ZC3H12B: variants seen among roughly 807,000 people sequenced by gnomAD.
The protein encoded by ZC3H12B is probable ribonuclease ZC3H12B.
In ZC3H12B, 7 loss-of-function variants were observed where a neutral mutation model predicts 43.9. That is an observed-to-expected ratio of 0.16 (90% CI 0.09 to 0.30). The LOEUF is 0.30. Among genes scored for constraint, ZC3H12B ranks in the 10% least tolerant of loss-of-function variants. The pLI is 1.00. For missense variants in ZC3H12B, 475 were observed against 670.2 expected (o/e 0.71, Z 3.22); for synonymous variants, 222 against 241.7 (o/e 0.92, Z 0.76).
chrX:65,460,800 C>A (rs2148176776), intron 3 of ZC3H12B, among the ~76,000 whole-genome samples: 1 of 111,501 alleles, frequency 9.0e-6, no homozygotes, highest in South Asian at 3.7e-4. Flanking sequence ...TAGGCATGGG[C>A]AAGGACTTCA....
At chrX:65,125,359 C>A in the ZC3H12B span, among the ~76,000 whole-genome samples, 1 of 111,155 alleles carries the variant, frequency 9.0e-6, no homozygotes. Context: ...TAAGAGAGTT[C>A]TTGATATTAC....
At chrX:65,424,686 G>A (rs2067059195) in intron 3 of ZC3H12B, among the ~76,000 whole-genome samples, 1 of 111,619 alleles carries the variant, frequency 9.0e-6, no homozygotes, top group African/African-American at 3.3e-5. Flanking sequence ...TCTGCATATG[G>A]CTAGCCAGTT....
chrX:65,120,890 T>C, the ZC3H12B span, among the ~76,000 whole-genome samples: 2 of 111,982 alleles, frequency 1.8e-5, no homozygotes, highest in African/African-American at 6.5e-5. Context: ...AGGCCTTTTC[T>C]ACATTTATTG....
chrX:65,451,149 C>A (rs371727191), intron 3 of ZC3H12B, among the ~76,000 whole-genome samples: 2 of 109,774 alleles, frequency 1.8e-5, no homozygotes, highest in African/African-American at 6.6e-5. Flanking sequence ...GGGGTTTCAC[C>A]GTGTTAGCCA....
At chrX:65,426,192 G>A (rs1202340465) in intron 3 of ZC3H12B, among the ~76,000 whole-genome samples, 1 of 107,755 alleles carries the variant, frequency 9.3e-6, no homozygotes. Context: ...GTCTTGAGAG[G>A]CTGTAGTGTC....
the ZC3H12B span, among the ~76,000 whole-genome samples, chrX:65,100,566 C>CAAAAAAAAAA: frequency 2.2e-3 from 10 of 4,531 alleles, 1 homozygote; most frequent in African/African-American, 6.7e-3. Flanking sequence ...AAAGATAAAG[C>CAAAAAAAAAA]AAAAAAAAAA....
the ZC3H12B span, among the ~76,000 whole-genome samples, chrX:65,054,002 A>G: frequency 2.0e-5 from 2 of 98,970 alleles, no homozygotes; most frequent in African/African-American, 3.4e-5. Context: ...TAGATTCTGA[A>G]TATTAGCCCT....
chrX:65,487,935 G>A (rs1451899892), upstream of ZC3H12B, among the ~76,000 whole-genome samples: 3 of 111,586 alleles, frequency 2.7e-5, no homozygotes, highest in Admixed American at 1.9e-4. Context: ...GCAGTGGCGC[G>A]ATCTTGGCTC....
At chrX:65,398,106 G>A (rs1305029556) in intron 2 of ZC3H12B, among the ~76,000 whole-genome samples, 1 of 111,423 alleles carries the variant, frequency 9.0e-6, no homozygotes, top group Non-Finnish European at 1.9e-5. Context: ...AAACATGGAT[G>A]CAAGAAATTA....
At chrX:65,390,391 A>G (rs192735221) in intron 2 of ZC3H12B, among the ~76,000 whole-genome samples, 17 of 110,642 alleles carry the variant, frequency 1.5e-4, no homozygotes, top group Admixed American at 1.4e-3. Flanking sequence ...GTACCCTAGA[A>G]CTTAAAGTAT....
intron 2 of ZC3H12B, among the ~76,000 whole-genome samples, chrX:65,377,371 A>C (rs2066361594): frequency 9.0e-6 from 1 of 110,614 alleles, no homozygotes; most frequent in Non-Finnish European, 1.9e-5. Context: ...AATAACACAG[A>C]ACTTACCAAA....
chrX:65,064,882 T>G, the ZC3H12B span, among the ~76,000 whole-genome samples: 1 of 112,130 alleles, frequency 8.9e-6, no homozygotes, highest in Non-Finnish European at 1.9e-5. Flanking sequence ...TATTGATCCC[T>G]TTACCATTAC....
the ZC3H12B span, among the ~76,000 whole-genome samples, chrX:65,199,650 T>C: frequency 9.0e-6 from 1 of 111,087 alleles, no homozygotes; most frequent in Non-Finnish European, 1.9e-5. Context: ...TATGTGTCCA[T>C]GTGTTCTCAT....
At chrX:65,488,548 C>A, upstream of ZC3H12B, 1 of 225,788 alleles carries the variant, frequency 4.4e-6, no homozygotes, top group Non-Finnish European at 7.8e-6. Flanking sequence ...AAACCAAATG[C>A]CAAAAATCCT....
At chrX:65,107,379 C>T in the ZC3H12B span, among the ~76,000 whole-genome samples, 1 of 110,546 alleles carries the variant, frequency 9.0e-6, no homozygotes, top group Admixed American at 9.6e-5. Context: ...AAGAGGCTAC[C>T]GAAAAAAGGG....
the ZC3H12B span, among the ~76,000 whole-genome samples, chrX:65,183,534 C>A: frequency 1.8e-5 from 2 of 111,245 alleles, no homozygotes; most frequent in Non-Finnish European, 3.8e-5. Context: ...TACACATGTA[C>A]CTTTGATCCT....
At chrX:65,276,636 A>G in the ZC3H12B span, among the ~76,000 whole-genome samples, 1 of 111,984 alleles carries the variant, frequency 8.9e-6, no homozygotes, top group African/African-American at 3.2e-5. Context: ...AAAATATTCC[A>G]TAGACAAGCA....
At chrX:65,184,256 T>C in the ZC3H12B span, among the ~76,000 whole-genome samples, 1 of 111,511 alleles carries the variant, frequency 9.0e-6, no homozygotes, top group Non-Finnish European at 1.9e-5. Flanking sequence ...TTTTTTGTTT[T>C]CTCAACCCCC....
At chrX:65,158,286 C>A in the ZC3H12B span, among the ~76,000 whole-genome samples, 9 of 111,114 alleles carry the variant, frequency 8.1e-5, no homozygotes, top group African/African-American at 2.6e-4. Flanking sequence ...GGGTATATAG[C>A]CAGTAATGGA....
Sources: allele counts gnomAD v4.1 joint callset (sites outside exome capture counted in the v4.1 genomes callset), GRCh38; gene constraint gnomAD v4.1.1; transcripts MANE v1.5; gene names NCBI Gene and HGNC (gene_info 2026-07-23, HGNC 2026-07-21).